Variants in SLC5A10 observed in about 807,000 individuals in gnomAD.
The protein encoded by SLC5A10 is sodium/mannose cotransporter SLC5A10.
A neutral mutation model predicts 68.9 loss-of-function variants in SLC5A10; 55 were observed. The ratio of observed to expected loss-of-function variants is 0.80; its 90% CI spans 0.64 to 1.00. The LOEUF is 1.00. Ranked by LOEUF, SLC5A10 falls within the 50% of genes least tolerant of loss-of-function variation. SLC5A10 has a pLI of 0.00. For synonymous variants in SLC5A10, 344 were observed against 344.8 expected, an observed-to-expected ratio of 1.00 and a Z score of 0.02; for missense variants, 732 against 819.3, an observed-to-expected ratio of 0.89 and a Z score of 1.30.
chr17:18,987,148 C>T (rs913514083), intron 9 of SLC5A10, among the ~76,000 whole-genome samples: 4 of 152,212 alleles, frequency 2.6e-5, no homozygotes, highest in Non-Finnish European at 2.9e-5. Flanking sequence ...ACCAGACTGG[C>T]GGTGCCCCTT....
At chr17:18,990,694 C>G (rs933744986) in intron 9 of SLC5A10, among the ~76,000 whole-genome samples, 9 of 152,218 alleles carry the variant, frequency 5.9e-5, no homozygotes, top group Non-Finnish European at 1.2e-4. Flanking sequence ...TGGATCCCCC[C>G]ACAGTCCTGG....
intron 1 of SLC5A10, among the ~76,000 whole-genome samples, chr17:18,955,981 G>A (rs1597810207): frequency 6.6e-6 from 1 of 152,106 alleles, no homozygotes; most frequent in Admixed American, 6.6e-5. Context: ...GATCACCTGA[G>A]GTCGGGAGTC....
At chr17:18,984,267 G>T (rs113438354) in intron 9 of SLC5A10, among the ~76,000 whole-genome samples, 1,965 of 151,286 alleles carry the variant, frequency 0.013, 31 homozygotes, top group African/African-American at 0.043. Context: ...GCACGAACCC[G>T]GGAGGCAGAG....
chr17:19,005,524 G>T (rs1255561113), intron 9 of SLC5A10, among the ~76,000 whole-genome samples: 1 of 152,192 alleles, frequency 6.6e-6, no homozygotes, highest in Non-Finnish European at 1.5e-5. Flanking sequence ...AGTCTGCCCG[G>T]CACCAGGCCC....
At chr17:18,972,645 G>A (rs1201675200) in intron 8 of SLC5A10, among the ~76,000 whole-genome samples, 2 of 152,128 alleles carry the variant, frequency 1.3e-5, no homozygotes, top group Admixed American at 6.5e-5. Context: ...GGCGGATCAC[G>A]AGGTCAGGAG....
chr17:18,976,524 C>T, intron 8 of SLC5A10: 1 of 321,668 alleles, frequency 3.1e-6, no homozygotes, highest in Non-Finnish European at 5.8e-6. Context: ...GTGTATGTCC[C>T]CATACCACCC....
At chr17:19,009,103 G>A (rs989760310) in intron 9 of SLC5A10, among the ~76,000 whole-genome samples, 1 of 151,730 alleles carries the variant, frequency 6.6e-6, no homozygotes, top group Admixed American at 6.6e-5. Context: ...ATGAGCCACC[G>A]TTCCTGGCCA....
Position 18,971,619 on chromosome 17 carries a change from T to G in SLC5A10, c.846+401T>G. 6.2e-7 allele frequency: 1 copy of G among 1,613,288 alleles called. No homozygotes were observed. The highest frequency in any genetic ancestry group is 8.5e-7 in the Non-Finnish European group (1 of 1,179,874). On this transcript the variant is annotated intron_variant, in intron 8 of 14. Transcript: ENST00000395645. This position sits in a 1 kb window ranked among gnomAD's most constrained non-coding sequence, Gnocchi z 5.5. The stretch of plus-strand genomic sequence containing the variant: ...GCCTGCCAGTGGTGGGGGCCAGCCA[T>G]GGCTGGGCCAGCGTTTCTGGTAGAG...
chr17:18,971,317 G>A lies in SLC5A10; in HGVS notation c.846+99G>A, dbSNP rs2042839259. 1 of 1,607,478 alleles carries A rather than the reference G, an allele frequency of 6.2e-7. No homozygotes were observed. Among genetic ancestry groups the A allele is most frequent in the East Asian group, 2.2e-5 (1 of 44,748 alleles). ...TCTGCCCTCCGCGTCATGAGTCTGG[G>A]CTGGGGCCTCAGAAGGTGTGGCTCC... On this transcript the variant is annotated intron_variant, in intron 8 of 14. Transcript: ENST00000395645. This position sits in a 1 kb window ranked among gnomAD's most constrained non-coding sequence, Gnocchi z 5.5.
rs1469905120 is a variant in SLC5A10 at position 18,952,202 on chromosome 17, A to T, written c.-4A>T. 1 of 1,611,460 alleles carries T rather than the reference A, an allele frequency of 6.2e-7. No individual in the cohort carries two copies. The highest frequency in any genetic ancestry group is 8.5e-7 in the Non-Finnish European group (1 of 1,179,012). On this transcript the variant is annotated 5_prime_UTR_variant, in exon 1 of 15. Transcript: ENST00000395645. ...TCATACCTAGTGCCTGCGGCAGGACAGCCATGGCCGCCAACTCCACCAGCG... is the reference window on the plus strand; with the variant it reads ...TCATACCTAGTGCCTGCGGCAGGACTGCCATGGCCGCCAACTCCACCAGCG...
intron 8 of SLC5A10, 99 bp from the exon 9 acceptor site, chr17:18,976,755 A>T: frequency 6.7e-7 from 1 of 1,483,106 alleles, no homozygotes; most frequent in Non-Finnish European, 9.1e-7. Context: ...ATGGGACATC[A>T]TCGTGCCTCA....
At chr17:18,979,372 G>T in intron 9 of SLC5A10, 1 of 763,556 alleles carries the variant, frequency 1.3e-6, no homozygotes, top group Non-Finnish European at 2.0e-6. Context: ...CTCAGACAAA[G>T]CCCTTCTCTG....
Position 19,021,781 on chromosome 17 carries a change from G to T in SLC5A10, c.*1350G>T. The T allele has an allele frequency of 1.9e-6, 1 of 515,888 alleles. No individual in the cohort carries two copies. The highest frequency in any genetic ancestry group is 3.0e-6 in the Non-Finnish European group (1 of 328,062). The allele number at this position is 515,888 out of a possible 1,614,324, so 32.0% of individuals were successfully genotyped here. A position where few individuals can be genotyped will look rare whatever the true frequency, so the allele number is the denominator to read the frequency against. On this transcript the variant is annotated 3_prime_UTR_variant, in exon 15 of 15. Coordinates refer to ENST00000395645, the MANE Select transcript of SLC5A10 (RefSeq NM_001042450.4). This position sits in a 1 kb window ranked among gnomAD's most constrained non-coding sequence, Gnocchi z 4.1. Reference sequence around the variant, plus strand: ...GCTACCCTTGCTGGGTACCCTTGCTGGGGGACCTGGGCCATCCCAGTTTGT... The same window carrying T: ...GCTACCCTTGCTGGGTACCCTTGCTTGGGGACCTGGGCCATCCCAGTTTGT...
chr17:19,005,042 C>T (rs2043845022), intron 9 of SLC5A10, among the ~76,000 whole-genome samples: 1 of 152,202 alleles, frequency 6.6e-6, no homozygotes, highest in African/African-American at 2.4e-5. Context: ...CCCCTGTGCC[C>T]CCAGGGTCTG....
intron 7 of SLC5A10, 118 bp from the exon 8 acceptor site, chr17:18,970,895 G>A: frequency 1.1e-6 from 1 of 924,616 alleles, no homozygotes. Context: ...AGATGAGGTG[G>A]AAAAAACTCA....
At chr17:18,966,814 G>A (rs978884663) in intron 5 of SLC5A10, among the ~76,000 whole-genome samples, 4 of 151,844 alleles carry the variant, frequency 2.6e-5, no homozygotes, top group African/African-American at 9.7e-5. Flanking sequence ...AGGCACAGAG[G>A]AGAGCTGGCT....
rs975528225 is a variant in SLC5A10 at position 18,996,437 on chromosome 17, T to C, written c.983-16973T>C. On this transcript the variant is annotated intron_variant, in intron 9 of 14. Coordinates refer to ENST00000395645, the MANE Select transcript of SLC5A10 (RefSeq NM_001042450.4). This position sits in a 1 kb window ranked among gnomAD's most constrained non-coding sequence, Gnocchi z 4.4. Reference sequence around the variant, plus strand: ...AGAGGCCCAAGAAGGTTCTCTGGGTTAGGAAGTTCTCCTAGGATCCCTGGG... The same window carrying C: ...AGAGGCCCAAGAAGGTTCTCTGGGTCAGGAAGTTCTCCTAGGATCCCTGGG... Among the ~76,000 whole-genome samples the C allele has an allele frequency of 6.6e-6, 1 of 152,162 alleles. No individual in the cohort carries two copies. Among genetic ancestry groups the C allele is most frequent in the African/African-American group, 2.4e-5 (1 of 41,436 alleles).
chr17:18,978,441 C>G (rs750738959), intron 9 of SLC5A10: 6 of 1,602,442 alleles, frequency 3.7e-6, no homozygotes, highest in African/African-American at 2.7e-5. Flanking sequence ...GGCAGGTACT[C>G]AAACATGTTG....
At position 18,969,345 on chromosome 17, in the gene SLC5A10, G is replaced by C; in HGVS notation, c.563G>C (p.Gly188Ala). ...GITALYTIAGGLAAVIYTDAL... is the reference protein window; with the variant it reads ...GITALYTIAGALAAVIYTDAL... The stretch of plus-strand genomic sequence containing the variant: ...GCAACCTTGCTTCCACTGGCAGGGG[G>C]CCTGGCTGCTGTAATCTACACGGAC... Residue 188 changes from glycine (G) to alanine (A), a missense_variant, in exon 7 of 15, where the codon GGC becomes GCC. Gly to Ala is a moderately conservative substitution (Grantham distance 60). Coordinates refer to ENST00000395645, the MANE Select transcript of SLC5A10 (RefSeq NM_001042450.4). 2 of 1,613,226 alleles carry C rather than the reference G, an allele frequency of 1.2e-6. No individual in the cohort carries two copies. The highest frequency in any genetic ancestry group is 1.7e-6 in the Non-Finnish European group (2 of 1,179,898).
Sources: allele counts gnomAD v4.1 joint callset (sites outside exome capture counted in the v4.1 genomes callset), GRCh38; gene constraint gnomAD v4.1.1; non-coding constraint Gnocchi (gnomAD v3.1); transcripts MANE v1.5; gene names NCBI Gene and HGNC (gene_info 2026-07-23, HGNC 2026-07-21).